PPP2R2B: variants seen among roughly 807,000 people sequenced by gnomAD.
The protein encoded by PPP2R2B is protein phosphatase 2 regulatory subunit Bbeta, also known as serine/threonine-protein phosphatase 2A 55 kDa regulatory subunit B beta isoform.
Under a neutral mutation model 46.0 loss-of-function variants are expected in PPP2R2B, and 5 were observed. The ratio of observed to expected loss-of-function variants is 0.11; its 90% CI spans 0.06 to 0.23. PPP2R2B has a LOEUF of 0.23. PPP2R2B is among the 10% of genes least tolerant of loss of function. The pLI, the probability that PPP2R2B is intolerant of heterozygous loss-of-function variation, is 1.00. For missense variants in PPP2R2B, 367 were observed against 575.0 expected (o/e 0.64, Z 3.70); for synonymous variants, 215 against 206.7 (o/e 1.04, Z -0.34).
At chr5:146,667,953 G>C (rs1026211586) in intron 5 of PPP2R2B, among the ~76,000 whole-genome samples, 2 of 152,168 alleles carry the variant, frequency 1.3e-5, no homozygotes, top group Non-Finnish European at 2.9e-5. Context: ...AAGCATCAGA[G>C]CCCTGTAATT....
intron 2 of PPP2R2B, among the ~76,000 whole-genome samples, chr5:146,857,006 CT>C (rs1344517178): frequency 6.6e-6 from 1 of 152,268 alleles, no homozygotes; most frequent in South Asian, 2.1e-4. Context: ...TTGAAAACAG[CT>C]GCTGTATGAC....
chr5:146,805,270 G>A (rs1373114855), intron 2 of PPP2R2B, among the ~76,000 whole-genome samples: 1 of 152,096 alleles, frequency 6.6e-6, no homozygotes, highest in Non-Finnish European at 1.5e-5. Flanking sequence ...TCCCTAGACC[G>A]CAGAAGCATC....
intron 2 of PPP2R2B, among the ~76,000 whole-genome samples, chr5:147,062,977 AGG>A (rs749262886): frequency 0.055 from 3,373 of 61,262 alleles, 332 homozygotes; most frequent in African/African-American, 0.18. Context: ...GGAGGGAGGG[AGG>A]GAGGGAGGGA....
At chr5:147,067,385 C>A (rs987736781) in intron 2 of PPP2R2B, among the ~76,000 whole-genome samples, 4 of 151,968 alleles carry the variant, frequency 2.6e-5, no homozygotes, top group Admixed American at 2.6e-4. Flanking sequence ...TTTTTAGATT[C>A]CACAGATGTG....
Position 147,020,543 on chromosome 5 carries a change from C to T in PPP2R2B, c.79+35122G>A, listed in dbSNP as rs1755209890. ...TAAACAAAAAAGTGGTCACAATAGA[C>T]TTTAGCAAGAGGAGGAGACCAGGAG... On this transcript the variant is annotated intron_variant, in intron 1 of 8. Transcript: ENST00000336640. Among the ~76,000 whole-genome samples, 3 of 152,032 alleles carry T rather than the reference C, an allele frequency of 2.0e-5. No homozygotes were observed. In the South Asian group the frequency reaches 6.2e-4, roughly 31 times the overall value.
upstream of PPP2R2B, among the ~76,000 whole-genome samples, chr5:146,882,163 G>A (rs1429633746): frequency 6.6e-6 from 1 of 151,864 alleles, no homozygotes; most frequent in East Asian, 1.9e-4. Flanking sequence ...TGTAGTCCCA[G>A]CTACTCGGGA....
chr5:146,621,018 C>G (rs1433111069), intron 7 of PPP2R2B, among the ~76,000 whole-genome samples: 1 of 152,234 alleles, frequency 6.6e-6, no homozygotes, highest in Non-Finnish European at 1.5e-5. Context: ...AGAGGAGCAG[C>G]TCCCCACTGA....
chr5:146,977,624 C>T (rs968660344), intron 1 of PPP2R2B, among the ~76,000 whole-genome samples: 3 of 152,026 alleles, frequency 2.0e-5, no homozygotes, highest in Non-Finnish European at 4.4e-5. Context: ...GAACATGCAG[C>T]GTTTGGTTTT....
intron 1 of PPP2R2B, among the ~76,000 whole-genome samples, chr5:146,887,661 T>C (rs897163704): frequency 6.6e-6 from 1 of 152,232 alleles, no homozygotes; most frequent in African/African-American, 2.4e-5. Flanking sequence ...ATTCCATCAC[T>C]GTTATAGTTA....
At chr5:147,037,660 T>C (rs1301864970) in intron 1 of PPP2R2B, among the ~76,000 whole-genome samples, 1 of 152,080 alleles carries the variant, frequency 6.6e-6, no homozygotes, top group African/African-American at 2.4e-5. Flanking sequence ...TGGCACAGAA[T>C]AGTACTGAAA....
chr5:146,864,749 G>A (rs968448558), intron 2 of PPP2R2B, among the ~76,000 whole-genome samples: 9 of 152,116 alleles, frequency 5.9e-5, no homozygotes, highest in African/African-American at 2.2e-4. Context: ...CGGGGTAGAA[G>A]GGCAATGGGA....
At chr5:147,047,094 G>C (rs964589653) in intron 1 of PPP2R2B, among the ~76,000 whole-genome samples, 1 of 152,060 alleles carries the variant, frequency 6.6e-6, no homozygotes, top group African/African-American at 2.4e-5. Flanking sequence ...CTGGAATCTA[G>C]ATGACCCTGA....
At position 146,812,793 on chromosome 5, in the gene PPP2R2B, G is replaced by GTATATATA. The variant is rs1201054676; in HGVS notation, c.70+65201_70+65208dup. Reference sequence around the variant, plus strand: ...AATGTGTGTGTGTGTGTATATGTGTGTATATATATATATATATATATATAT... The same window carrying GTATATATA: ...AATGTGTGTGTGTGTGTATATGTGTGTATATATATATATATATATATATATATATATAT... On this transcript the variant is annotated intron_variant, in intron 2 of 9. Transcript: ENST00000394411. Among the ~76,000 whole-genome samples the GTATATATA allele has an allele frequency of 3.6e-3, 44 of 12,110 alleles. 1 individual carries two copies. Among genetic ancestry groups the GTATATATA allele is most frequent in the South Asian group, 6.4e-3 (1 of 156 alleles). The allele number at this position is 12,110 out of a possible 152,430, so 7.9% of individuals were successfully genotyped here.
intron 1 of PPP2R2B, among the ~76,000 whole-genome samples, chr5:147,027,081 A>C (rs1417413424): frequency 2.0e-5 from 3 of 152,236 alleles, no homozygotes; most frequent in Non-Finnish European, 4.4e-5. Flanking sequence ...ATATTCACAC[A>C]ATAGAATACT....
At chr5:146,641,468 C>T (rs1036185964) in intron 6 of PPP2R2B, among the ~76,000 whole-genome samples, 1 of 150,442 alleles carries the variant, frequency 6.6e-6, no homozygotes, top group Non-Finnish European at 1.5e-5. Context: ...TTGGTGACTG[C>T]ATTTTCCAGA....
At chr5:146,977,167 G>T (rs146958591) in intron 1 of PPP2R2B, among the ~76,000 whole-genome samples, 2 of 151,892 alleles carry the variant, frequency 1.3e-5, no homozygotes, top group African/African-American at 4.8e-5. Context: ...TTCACCCCCC[G>T]ACAAGGTCCA....
chr5:147,030,321 A>C (rs1263030466), intron 1 of PPP2R2B, among the ~76,000 whole-genome samples: 2 of 152,184 alleles, frequency 1.3e-5, no homozygotes, highest in Non-Finnish European at 2.9e-5. Context: ...TTCATTTTAC[A>C]TGTTAATTAG....
intron 9 of PPP2R2B, among the ~76,000 whole-genome samples, chr5:146,591,194 T>C (rs1392434177): frequency 6.6e-6 from 1 of 152,116 alleles, no homozygotes; most frequent in Non-Finnish European, 1.5e-5. Context: ...ACTGGCTCCT[T>C]AAGATGGGAG....
chr5:147,073,695 G>A (rs1443572260), intron 2 of PPP2R2B, among the ~76,000 whole-genome samples: 1 of 152,128 alleles, frequency 6.6e-6, no homozygotes, highest in Non-Finnish European at 1.5e-5. Flanking sequence ...TCTGATGTAA[G>A]GAAAGAAAGA....
Sources: allele counts gnomAD v4.1 joint callset (sites outside exome capture counted in the v4.1 genomes callset), GRCh38; gene constraint gnomAD v4.1.1; transcripts MANE v1.5; gene names NCBI Gene and HGNC (gene_info 2026-07-23, HGNC 2026-07-21).